Variants in DOCK9 observed in about 807,000 individuals in gnomAD.
The protein encoded by DOCK9 is dedicator of cytokinesis 9.
A neutral mutation model predicts 263.3 loss-of-function variants in DOCK9; 89 were observed. The ratio of observed to expected loss-of-function variants is 0.34; its 90% confidence interval spans 0.28 to 0.40. The LOEUF (loss-of-function observed/expected upper bound fraction) is 0.40. Among genes scored for constraint, DOCK9 ranks in the 10% least tolerant of loss-of-function variants. The pLI is 1.00. For synonymous variants in DOCK9, 976 were observed against 973.1 expected, an observed-to-expected ratio of 1.00 and a Z score of -0.06; for missense variants, 2,140 against 2,603.4, an observed-to-expected ratio of 0.82 and a Z score of 3.87.
chr13:99,051,051 C>T (rs1375964546), intron 1 of DOCK9, among the ~76,000 whole-genome samples: 1 of 152,208 alleles, frequency 6.6e-6, no homozygotes, highest in Non-Finnish European at 1.5e-5. Flanking sequence ...CAGCCCGCCT[C>T]TGCGAGGACC....
At chr13:98,889,853 G>T (rs1485203468) in intron 15 of DOCK9, among the ~76,000 whole-genome samples, 1 of 152,156 alleles carries the variant, frequency 6.6e-6, no homozygotes, top group Non-Finnish European at 1.5e-5. Context: ...GTGCACAGCT[G>T]GGTGCACAGC....
At chr13:98,918,908 C>T (rs536213256) in intron 7 of DOCK9, among the ~76,000 whole-genome samples, 14 of 152,246 alleles carry the variant, frequency 9.2e-5, no homozygotes, top group South Asian at 8.3e-4. Context: ...GCAATTCATC[C>T]AGACTAGAGG....
chr13:98,804,887 G>A, intron 49 of DOCK9, 112 bp downstream of exon 49: 3 of 1,032,264 alleles, frequency 2.9e-6, no homozygotes, highest in Non-Finnish European at 4.2e-6. Context: ...GGGTGTGGGG[G>A]TGGCTAACTG....
chr13:98,902,908 A>G, intron 11 of DOCK9, 64 bp downstream of exon 11: 1 of 1,392,138 alleles, frequency 7.2e-7, no homozygotes, highest in Non-Finnish European at 9.5e-7. Flanking sequence ...GCTGCACTGT[A>G]AAGGTACATC....
rs749349383 is a variant in DOCK9 at position 98,807,788 on chromosome 13, T to C, written c.5387A>G (p.Asp1796Gly). The change falls in exon 48 of 53, where the codon GAT becomes GGT. Residue 1796 changes from aspartate to glycine, a missense_variant. Transcript: ENST00000682017. ...TTCCTTGTAAATATACTCCTTTCCA[T>C]CTTCATCTTCAAAGAATCCCTGTGA... The part of the protein sequence containing the change: ...FFGQGFFEDE[D>G]GKEYIYKEPK... 1.2e-6 allele frequency: 2 copies of C among 1,611,170 alleles called. No individual in the cohort carries two copies. The highest frequency in any genetic ancestry group is 1.7e-6 in the Non-Finnish European group (2 of 1,178,088).
intron 45 of DOCK9, among the ~76,000 whole-genome samples, chr13:98,821,237 A>T (rs2092255449): frequency 6.6e-6 from 1 of 152,042 alleles, no homozygotes; most frequent in African/African-American, 2.4e-5. Context: ...TTGGCCAAGG[A>T]TAGGCCCCAG....
intron 1 of DOCK9, among the ~76,000 whole-genome samples, chr13:99,065,152 G>A (rs1423458985): frequency 1.3e-5 from 2 of 152,184 alleles, no homozygotes; most frequent in Middle Eastern, 3.4e-3. Context: ...CTCACTGTGT[G>A]GAGAGAGGAA....
At chr13:99,053,113 T>C (rs926540018) in intron 1 of DOCK9, among the ~76,000 whole-genome samples, 6 of 152,176 alleles carry the variant, frequency 3.9e-5, no homozygotes, top group African/African-American at 1.2e-4. Flanking sequence ...GAAAATAAAA[T>C]AGATTACCAC....
chr13:98,859,517 T>A (rs1263215767), intron 33 of DOCK9: 2 of 152,056 alleles, frequency 1.3e-5, no homozygotes, highest in African/African-American at 4.8e-5. Context: ...CCGGCAAAGG[T>A]AAAGACATAA....
chr13:98,816,839 T>C (rs755856073), intron 45 of DOCK9, among the ~76,000 whole-genome samples: 7 of 151,918 alleles, frequency 4.6e-5, no homozygotes, highest in Non-Finnish European at 1.0e-4. Flanking sequence ...AGGATTTACA[T>C]GTAGTTTGAG....
intron 45 of DOCK9, among the ~76,000 whole-genome samples, chr13:98,813,370 T>A (rs1021336052): frequency 6.6e-5 from 10 of 152,198 alleles, no homozygotes; most frequent in African/African-American, 2.4e-4. Context: ...ACAGTCTTTT[T>A]GTTTTCAGGT....
At chr13:98,923,979 C>T (rs2052506800) in intron 4 of DOCK9, among the ~76,000 whole-genome samples, 1 of 152,218 alleles carries the variant, frequency 6.6e-6, no homozygotes, top group South Asian at 2.1e-4. Flanking sequence ...AATTCTCCCT[C>T]TCTTTCTCAT....
At chr13:98,966,375 A>G (rs1002707830) in intron 1 of DOCK9, among the ~76,000 whole-genome samples, 1 of 152,266 alleles carries the variant, frequency 6.6e-6, no homozygotes, top group Non-Finnish European at 1.5e-5. Context: ...TCTCTCACAC[A>G]CATACAGTAG....
intron 1 of DOCK9, among the ~76,000 whole-genome samples, chr13:98,995,646 G>C (rs1033005087): frequency 6.6e-6 from 1 of 151,742 alleles, no homozygotes; most frequent in Non-Finnish European, 1.5e-5. Context: ...CTGCCACCAC[G>C]CCCGGCTAAT....
chr13:99,048,072 C>T (rs2040519425), intron 1 of DOCK9, among the ~76,000 whole-genome samples: 1 of 152,200 alleles, frequency 6.6e-6, no homozygotes. Flanking sequence ...ACGAATCAAA[C>T]ACTGATGTCC....
intron 2 of DOCK9, among the ~76,000 whole-genome samples, chr13:98,931,921 T>C (rs1595433950): frequency 1.3e-5 from 2 of 150,132 alleles, no homozygotes; most frequent in Non-Finnish European, 1.5e-5. Context: ...AGAGATGGGG[T>C]TTCACCATGT....
At position 98,825,187 on chromosome 13, in the gene DOCK9, A is replaced by C. The variant is rs181504999; in HGVS notation, c.5024-683T>G. 2.6e-5 allele frequency among the ~76,000 whole-genome samples: 4 copies of C among 152,330 alleles called. No homozygotes were observed. Among genetic ancestry groups the C allele is most frequent in the Admixed American group, 2.0e-4 (3 of 15,308 alleles). ...TGGGATAAGGATGTGTTTCTTAAGC[A>C]ATGACAGCCCATTTGGGACCTTTCC... On this transcript the variant is annotated intron_variant, in intron 44 of 52. Transcript: ENST00000682017. The surrounding 1 kb of genome is among the most constrained non-coding windows in gnomAD (Gnocchi z 4.1).
chr13:98,891,017 C>T (rs2139054800), intron 15 of DOCK9, among the ~76,000 whole-genome samples: 1 of 152,286 alleles, frequency 6.6e-6, no homozygotes, highest in South Asian at 2.1e-4. Context: ...GCCAAGAGCT[C>T]TCCAGGTACA....
intron 49 of DOCK9, among the ~76,000 whole-genome samples, chr13:98,804,462 T>C (rs1463910254): frequency 1.3e-5 from 2 of 152,194 alleles, no homozygotes; most frequent in Non-Finnish European, 2.9e-5. Context: ...AACTCGTGGA[T>C]AGCCACTGAA....
Sources: gnomAD v4.1 joint callset for allele counts (sites outside exome capture counted in the v4.1 genomes callset) on GRCh38, gnomAD v4.1.1 for gene constraint, Gnocchi (gnomAD v3.1) non-coding constraint, MANE v1.5 for transcripts, NCBI Gene and HGNC (gene_info 2026-07-23, HGNC 2026-07-21) for gene names.